Variants in GATAD2A observed in about 807,000 individuals in gnomAD.
The protein encoded by GATAD2A is GATA zinc finger domain containing 2A, also known as transcriptional repressor p66-alpha.
GATAD2A carries 12 observed loss-of-function variants against 68.5 expected under a neutral mutation model. The ratio of observed to expected loss-of-function variants is 0.18; its 90% CI spans 0.11 to 0.28. The LOEUF (loss-of-function observed/expected upper bound fraction) is 0.28. GATAD2A is among the 10% of genes least tolerant of loss of function. The probability of loss-of-function intolerance (pLI) is 1.00; values close to 1 mark genes in which losing one functional copy is unlikely to be tolerated. For synonymous variants in GATAD2A, 410 were observed against 375.3 expected (o/e 1.09, Z -1.07); for missense variants, 755 against 868.5 (o/e 0.87, Z 1.64).
chr19:19,501,282 A>G lies in GATAD2A; in HGVS notation c.1369A>G (p.Ser457Gly). 2 of 1,613,356 alleles carry G rather than the reference A, an allele frequency of 1.2e-6. No individual in the cohort carries two copies. Among genetic ancestry groups the G allele is most frequent in the Non-Finnish European group, 1.7e-6 (2 of 1,180,028 alleles). ...QKKALKVEHT[S>G]RLKAAFVKAL... ...GAAGGCGCTCAAGGTGGAGCACACC[A>G]GCCGGCTGAAGGCCGCCTTTGTGAA... Residue 457 changes from serine to glycine, a missense_variant, in exon 9 of 12, where the codon AGC (serine) becomes GGC (glycine). Physicochemically the swap from Ser to Gly is moderately conservative, Grantham distance 56 (BLOSUM62 0). Coordinates refer to ENST00000683918, the MANE Select transcript of GATAD2A (RefSeq NM_001384528.1).
chr19:19,425,939 C>CG (rs1375781441), intron 1 of GATAD2A, among the ~76,000 whole-genome samples: 2 of 152,010 alleles, frequency 1.3e-5, no homozygotes, highest in African/African-American at 2.4e-5. Context: ...ACAGGTGCTC[C>CG]GCCACGCCTG....
intron 2 of GATAD2A, among the ~76,000 whole-genome samples, chr19:19,471,975 A>G (rs1023085009): frequency 2.7e-4 from 41 of 152,096 alleles, no homozygotes; most frequent in African/African-American, 9.4e-4. Flanking sequence ...AGCTCACTGC[A>G]GCCTTGAACA....
At chr19:19,483,481 G>A (rs995221315) in intron 2 of GATAD2A, among the ~76,000 whole-genome samples, 1 of 152,178 alleles carries the variant, frequency 6.6e-6, no homozygotes, top group Non-Finnish European at 1.5e-5. Flanking sequence ...GTTACATGGC[G>A]GGAGAAGTGT....
chr19:19,440,153 T>C (rs1441381318), intron 1 of GATAD2A: 5 of 416,784 alleles, frequency 1.2e-5, no homozygotes, highest in Non-Finnish European at 2.4e-5. Flanking sequence ...CTAGTTGAAA[T>C]GACAAGCAGA....
chr19:19,477,496 G>T (rs1027846943), intron 2 of GATAD2A, among the ~76,000 whole-genome samples: 1 of 152,126 alleles, frequency 6.6e-6, no homozygotes. Context: ...TCTGCAGGCG[G>T]TGTGGGAAGA....
intron 1 of GATAD2A, among the ~76,000 whole-genome samples, chr19:19,460,968 C>G (rs1012374199): frequency 6.6e-6 from 1 of 152,202 alleles, no homozygotes; most frequent in South Asian, 2.1e-4. Flanking sequence ...CTGACTGCCC[C>G]GTGCTCTGCC....
chr19:19,443,358 A>G (rs1277099438), intron 1 of GATAD2A, among the ~76,000 whole-genome samples: 1 of 152,162 alleles, frequency 6.6e-6, no homozygotes, highest in East Asian at 1.9e-4. Flanking sequence ...GCCATTTGCA[A>G]AACCAACAAT....
chr19:19,424,509 T>G (rs1022269016), intron 1 of GATAD2A, among the ~76,000 whole-genome samples: 8 of 152,038 alleles, frequency 5.3e-5, no homozygotes, highest in Non-Finnish European at 2.9e-5. Context: ...GGATTACAGG[T>G]GTGAGACACT....
At chr19:19,500,091 A>G (rs1000672763) in intron 8 of GATAD2A, among the ~76,000 whole-genome samples, 1 of 152,192 alleles carries the variant, frequency 6.6e-6, no homozygotes, top group African/African-American at 2.4e-5. Flanking sequence ...TTCCCTCATC[A>G]GGGCTCAGTC....
intron 1 of GATAD2A, among the ~76,000 whole-genome samples, chr19:19,396,588 AT>A (rs777756711): frequency 1.2e-4 from 18 of 152,306 alleles, no homozygotes; most frequent in Non-Finnish European, 1.8e-4. Flanking sequence ...TGATGGGGTA[AT>A]TGGGAAAAAG....
chr19:19,411,288 C>G (rs1016234654), intron 1 of GATAD2A, among the ~76,000 whole-genome samples: 1 of 152,210 alleles, frequency 6.6e-6, no homozygotes, highest in South Asian at 2.1e-4. Flanking sequence ...GCCTTCTTGA[C>G]GATACTGAAT....
intron 5 of GATAD2A, among the ~76,000 whole-genome samples, chr19:19,495,218 C>T (rs539724168): frequency 1.2e-4 from 19 of 152,062 alleles, no homozygotes; most frequent in African/African-American, 4.1e-4. Flanking sequence ...GTTCTCAAAC[C>T]CCTGGGCTCA....
intron 2 of GATAD2A, among the ~76,000 whole-genome samples, chr19:19,481,321 T>G (rs1012679340): frequency 5.9e-5 from 9 of 152,134 alleles, no homozygotes; most frequent in Non-Finnish European, 1.3e-4. Flanking sequence ...GTCCACCACC[T>G]CTGAGGTTTG....
At chr19:19,445,395 T>C (rs1288992252) in intron 1 of GATAD2A, among the ~76,000 whole-genome samples, 2 of 152,194 alleles carry the variant, frequency 1.3e-5, no homozygotes, top group Non-Finnish European at 2.9e-5. Flanking sequence ...CTCACCTCTT[T>C]AAAAAAGCAT....
At chr19:19,446,311 A>G (rs534159080) in intron 1 of GATAD2A, among the ~76,000 whole-genome samples, 1 of 152,076 alleles carries the variant, frequency 6.6e-6, no homozygotes, top group Non-Finnish European at 1.5e-5. Context: ...TCACATGCTC[A>G]TTGGTGATTC....
chr19:19,418,372 A>G (rs2051911811), intron 1 of GATAD2A, among the ~76,000 whole-genome samples: 1 of 152,208 alleles, frequency 6.6e-6, no homozygotes, highest in Non-Finnish European at 1.5e-5. Context: ...GTGACAAGTA[A>G]TAGTTGAAAG....
intron 1 of GATAD2A, among the ~76,000 whole-genome samples, chr19:19,395,512 G>A (rs368438085): frequency 6.6e-6 from 1 of 152,046 alleles, no homozygotes; most frequent in Non-Finnish European, 1.5e-5. Context: ...AAGCCGCTTT[G>A]TCAGAGCTGG....
At chr19:19,474,019 T>C (rs1690906799) in intron 2 of GATAD2A, 4 of 984,450 alleles carry the variant, frequency 4.1e-6, no homozygotes, top group Non-Finnish European at 4.8e-6. Flanking sequence ...TAATGTGATA[T>C]TGCTTCTTCC....
At chr19:19,478,643 T>C (rs1414854800) in intron 2 of GATAD2A, among the ~76,000 whole-genome samples, 4 of 151,230 alleles carry the variant, frequency 2.6e-5, no homozygotes, top group African/African-American at 7.3e-5. Flanking sequence ...CAAAAGTGTC[T>C]CTACTAAAAA....
Sources: gnomAD v4.1 joint callset for allele counts (sites outside exome capture counted in the v4.1 genomes callset) on GRCh38, gnomAD v4.1.1 for gene constraint, MANE v1.5 for transcripts, NCBI Gene and HGNC (gene_info 2026-07-23, HGNC 2026-07-21) for gene names.